The following ASCC1 variants were observed in gnomAD, a reference collection of about 807,000 sequenced individuals.
ASCC1 encodes the protein activating signal cointegrator 1 complex subunit 1, also known as ASC-1 complex subunit P50.
A neutral mutation model predicts 46.6 loss-of-function variants in ASCC1; 35 were observed. The ratio of observed to expected loss-of-function variants is 0.75; its 90% CI spans 0.57 to 0.99. The LOEUF is 0.99. ASCC1 is among the 50% of genes least tolerant of loss of function. The probability of loss-of-function intolerance (pLI) is 0.00; values close to 1 mark genes in which losing one functional copy is unlikely to be tolerated. For missense variants in ASCC1, 376 were observed against 428.7 expected, an observed-to-expected ratio of 0.88 and a Z score of 1.09; for synonymous variants, 143 against 146.6, an observed-to-expected ratio of 0.98 and a Z score of 0.18.
At chr10:72,099,909 T>C (rs1841542765) in intron 9 of ASCC1, among the ~76,000 whole-genome samples, 1 of 152,190 alleles carries the variant, frequency 6.6e-6, no homozygotes, top group Non-Finnish European at 1.5e-5. Context: ...AAAAAATATC[T>C]TGTAAACTGT....
At chr10:72,113,728 A>G (rs976129964) in intron 9 of ASCC1, among the ~76,000 whole-genome samples, 9 of 152,232 alleles carry the variant, frequency 5.9e-5, no homozygotes, top group Non-Finnish European at 1.0e-4. Flanking sequence ...GAACTGCCCA[A>G]TCACCTGTCA....
Position 72,133,076 on chromosome 10 carries a change from T to C in ASCC1, c.852A>G (p.Leu284=). ...VKLHATVMNT[L]FRKDPNAEGR... is the part of the protein sequence containing the mutation. The stretch of plus-strand genomic sequence containing the variant: ...ACTTACCATTGGGGTCTTTCCTGAA[T>C]AGTGTATTCATAACTGTAGCATGCA... The change falls in exon 8 of 10, where the codon CTA becomes CTG. Residue 284 remains leucine, a synonymous_variant. Coordinates refer to ENST00000672957, the MANE Select transcript of ASCC1 (RefSeq NM_001198800.3). 2 of 1,614,192 alleles carry C rather than the reference T, an allele frequency of 1.2e-6. No homozygotes were observed. The highest frequency in any genetic ancestry group is 1.1e-5 in the South Asian group (1 of 91,084).
rs149587941 is a variant in ASCC1 at position 72,182,694 on chromosome 10, A to C, written c.489+14117T>G. Among the ~76,000 whole-genome samples the C allele has an allele frequency of 3.1e-3, 475 of 152,206 alleles. 3 individuals carry two copies. Among genetic ancestry groups the C allele is most frequent in the African/African-American group, 0.011 (456 of 41,532 alleles). ...GAGGTTGAAGAGACATAAAAACTTA[A>C]GCTGGGTATGGTGGCTCACATCTAT... On this transcript the variant is annotated intron_variant, in intron 5 of 9. Coordinates refer to ENST00000672957, the MANE Select transcript of ASCC1 (RefSeq NM_001198800.3).
chr10:72,145,629 T>C (rs1425332817), intron 7 of ASCC1, among the ~76,000 whole-genome samples: 1 of 152,260 alleles, frequency 6.6e-6, no homozygotes, highest in Non-Finnish European at 1.5e-5. Flanking sequence ...ATTAAATCTC[T>C]TCCCTAAATT....
At chr10:72,175,685 T>C (rs537071363) in intron 5 of ASCC1, among the ~76,000 whole-genome samples, 14 of 152,292 alleles carry the variant, frequency 9.2e-5, no homozygotes, top group Non-Finnish European at 1.6e-4. Context: ...TCTTTACCCA[T>C]TAAAGAGGAG....
At chr10:72,099,080 CAT>C (rs1473352344) in intron 9 of ASCC1, among the ~76,000 whole-genome samples, 1 of 152,126 alleles carries the variant, frequency 6.6e-6, no homozygotes, top group Non-Finnish European at 1.5e-5. Flanking sequence ...AAAGGAAACT[CAT>C]AATACTTTCA....
chr10:72,119,485 C>T (rs928965299), intron 9 of ASCC1, among the ~76,000 whole-genome samples: 1 of 152,180 alleles, frequency 6.6e-6, no homozygotes, highest in Non-Finnish European at 1.5e-5. Context: ...CTCCAGTCTT[C>T]CACATAGGGG....
intron 7 of ASCC1, among the ~76,000 whole-genome samples, chr10:72,137,007 T>C (rs938929578): frequency 3.3e-5 from 5 of 151,938 alleles, no homozygotes; most frequent in Admixed American, 6.6e-5. Flanking sequence ...GCGGCCTCAT[T>C]CTTGAAGTCA....
chr10:72,130,130 T>A (rs935883323), intron 8 of ASCC1, among the ~76,000 whole-genome samples: 3 of 152,114 alleles, frequency 2.0e-5, no homozygotes. Context: ...ATTCTGTTTA[T>A]ATGAAATGTC....
At chr10:72,161,001 A>T (rs969860779) in intron 6 of ASCC1, among the ~76,000 whole-genome samples, 24 of 152,026 alleles carry the variant, frequency 1.6e-4, no homozygotes, top group Middle Eastern at 3.4e-3. Context: ...GAGAATGGCG[A>T]GAACCCAGCA....
intron 1 of ASCC1, 103 bp from the exon 2 acceptor site, chr10:72,213,434 G>T (rs1352158153): frequency 8.8e-6 from 6 of 683,806 alleles, no homozygotes; most frequent in Non-Finnish European, 1.6e-5. Flanking sequence ...TCAGTTCACA[G>T]TATCTCCCAC....
At chr10:72,195,139 G>GTTTTTTTTTTTTTTTTTT (rs142672810) in intron 5 of ASCC1, among the ~76,000 whole-genome samples, 1 of 61,020 alleles carries the variant, frequency 1.6e-5, no homozygotes, top group African/African-American at 6.5e-5. Context: ...TTTTTGCTGT[G>GTTTTTTTTTTTTTTTTTT]TTTTTTTTTT....
chr10:72,178,111 G>A (rs555422151), intron 5 of ASCC1, among the ~76,000 whole-genome samples: 1 of 152,266 alleles, frequency 6.6e-6, no homozygotes, highest in South Asian at 2.1e-4. Flanking sequence ...CTGTTTTAAA[G>A]GAAGAAAGAA....
At chr10:72,199,334 G>C (rs1589604576) in intron 4 of ASCC1, among the ~76,000 whole-genome samples, 1 of 120,996 alleles carries the variant, frequency 8.3e-6, no homozygotes, top group East Asian at 2.4e-4. Flanking sequence ...GTCTCACTCT[G>C]TTTCCCAGGC....
chr10:72,160,879 C>A (rs1415727193), intron 6 of ASCC1, among the ~76,000 whole-genome samples: 5 of 150,458 alleles, frequency 3.3e-5, no homozygotes, highest in Non-Finnish European at 4.4e-5. Context: ...GTCAAGAGAT[C>A]AAGACCATCC....
At chr10:72,166,893 C>T (rs1027586347) in intron 5 of ASCC1, among the ~76,000 whole-genome samples, 3 of 152,082 alleles carry the variant, frequency 2.0e-5, no homozygotes, top group African/African-American at 7.2e-5. Context: ...GAGATATCAC[C>T]TCACACCCAT....
intron 7 of ASCC1, among the ~76,000 whole-genome samples, chr10:72,138,600 C>CTTTTTTTTTTTTT (rs1011535460): frequency 5.0e-4 from 52 of 104,530 alleles, no homozygotes; most frequent in Non-Finnish European, 6.4e-4. Flanking sequence ...TTCTTTCTTT[C>CTTTTTTTTTTTTT]TTTTTTTTTT....
intron 3 of ASCC1, among the ~76,000 whole-genome samples, chr10:72,207,282 C>A (rs557922970): frequency 6.6e-6 from 1 of 152,092 alleles, no homozygotes; most frequent in South Asian, 2.1e-4. Context: ...GGTGTGGTGG[C>A]GCATGCCTGT....
intron 6 of ASCC1, among the ~76,000 whole-genome samples, chr10:72,159,599 C>T (rs1185657997): frequency 6.6e-6 from 1 of 152,086 alleles, no homozygotes; most frequent in Non-Finnish European, 1.5e-5. Flanking sequence ...ATCCTTAAAC[C>T]AGGTAAAACT....
Sources: allele counts gnomAD v4.1 joint callset (sites outside exome capture counted in the v4.1 genomes callset), GRCh38; gene constraint gnomAD v4.1.1; transcripts MANE v1.5; gene names NCBI Gene and HGNC (gene_info 2026-07-23, HGNC 2026-07-21).